The following RAD54B variants were observed in gnomAD, a reference collection of about 807,000 sequenced individuals.
RAD54B encodes the protein DNA repair and recombination protein RAD54B.
In RAD54B, 78 loss-of-function variants were observed where a neutral mutation model predicts 95.8. The ratio of observed to expected loss-of-function variants is 0.81; its 90% CI spans 0.68 to 0.98. The LOEUF is 0.98. Among genes scored for constraint, RAD54B ranks in the 50% least tolerant of loss-of-function variants. The pLI is 0.00. For missense variants in RAD54B, 957 were observed against 1,056.6 expected, an observed-to-expected ratio of 0.91 and a Z score of 1.31; for synonymous variants, 328 against 354.9, an observed-to-expected ratio of 0.92 and a Z score of 0.85.
chr8:94,373,669 A>G (rs1413116594), intron 14 of RAD54B, among the ~76,000 whole-genome samples: 1 of 152,132 alleles, frequency 6.6e-6, no homozygotes, highest in East Asian at 1.9e-4. Context: ...GTGTTAGACC[A>G]TTGTGCTTTT....
intron 3 of RAD54B, among the ~76,000 whole-genome samples, chr8:94,422,643 T>A (rs1811849032): frequency 1.9e-5 from 2 of 103,832 alleles, no homozygotes; most frequent in Non-Finnish European, 3.8e-5. Context: ...TATATATATA[T>A]ATATATATAT....
At chr8:94,449,820 G>A (rs1812613081) in intron 3 of RAD54B, among the ~76,000 whole-genome samples, 1 of 152,088 alleles carries the variant, frequency 6.6e-6, no homozygotes, top group South Asian at 2.1e-4. Context: ...ATCCAAGGCA[G>A]GAATTCAAAA....
chr8:94,385,580 A>G (rs1470294293), intron 11 of RAD54B, among the ~76,000 whole-genome samples: 1 of 152,156 alleles, frequency 6.6e-6, no homozygotes, highest in Non-Finnish European at 1.5e-5. Flanking sequence ...AGATAGGAGA[A>G]AGCATGAGAG....
chr8:94,408,541 G>T (rs768467914), intron 4 of RAD54B, among the ~76,000 whole-genome samples: 2 of 152,116 alleles, frequency 1.3e-5, no homozygotes, highest in Non-Finnish European at 2.9e-5. Flanking sequence ...TAGAAAATAT[G>T]ATGACCCTTT....
intron 2 of RAD54B, among the ~76,000 whole-genome samples, chr8:94,466,305 A>G (rs933409936): frequency 6.6e-6 from 1 of 152,168 alleles, no homozygotes; most frequent in African/African-American, 2.4e-5. Context: ...TATACTTTAT[A>G]TGCCTTTCAT....
At chr8:94,457,129 A>G (rs1041882838) in intron 3 of RAD54B, among the ~76,000 whole-genome samples, 4 of 152,230 alleles carry the variant, frequency 2.6e-5, no homozygotes, top group African/African-American at 7.2e-5. Flanking sequence ...AGAAATTAGA[A>G]AAGAACTGGG....
At chr8:94,403,054 A>T (rs1456353739) in intron 6 of RAD54B, among the ~76,000 whole-genome samples, 2 of 152,200 alleles carry the variant, frequency 1.3e-5, no homozygotes, top group South Asian at 4.1e-4. Flanking sequence ...AGTCTAGTTA[A>T]CAGTTTCTGG....
In RAD54B at chr8:94,458,141, AC is replaced by A. The variant is rs1812818704; in HGVS notation, c.304+126del. The A allele has an allele frequency of 1.6e-5, 13 of 836,606 alleles. No homozygotes were observed. The South Asian group carries it at 2.2e-4, about 14-fold the overall frequency. 51.8% of individuals were successfully genotyped at this position (836,606 alleles called of 1,614,324 possible). On this transcript the variant is annotated intron_variant, in intron 3 of 14. Transcript: ENST00000336148. Reference sequence around the variant, plus strand: ...ATTATGACAACAAAAAACCTGAACTACCAACAATGTAGTGGTATTACATCAA... The same window carrying A: ...ATTATGACAACAAAAAACCTGAACTACAACAATGTAGTGGTATTACATCAA...
intron 3 of RAD54B, among the ~76,000 whole-genome samples, chr8:94,448,502 T>C (rs1812573502): frequency 1.3e-5 from 2 of 152,082 alleles, no homozygotes; most frequent in Non-Finnish European, 2.9e-5. Context: ...ATCTCAAAAA[T>C]CTGCACTCCC....
intron 11 of RAD54B, among the ~76,000 whole-genome samples, chr8:94,381,126 T>C (rs1810728865): frequency 8.8e-6 from 1 of 113,916 alleles, no homozygotes; most frequent in South Asian, 2.7e-4. Flanking sequence ...GCCCTGTCTT[T>C]TAAAAAAAAA....
chr8:94,392,970 T>C (rs897576531), intron 9 of RAD54B, among the ~76,000 whole-genome samples: 2 of 150,832 alleles, frequency 1.3e-5, no homozygotes, highest in African/African-American at 4.9e-5. Flanking sequence ...ACTACAGGCA[T>C]GTGCCACCAT....
At chr8:94,420,498 G>T (rs965788262) in intron 3 of RAD54B, among the ~76,000 whole-genome samples, 1 of 151,592 alleles carries the variant, frequency 6.6e-6, no homozygotes, top group African/African-American at 2.4e-5. Context: ...GAGCTTAAGC[G>T]TCTGGTCTAC....
At chr8:94,412,321 T>C (rs182910029) in intron 3 of RAD54B, among the ~76,000 whole-genome samples, 12 of 152,110 alleles carry the variant, frequency 7.9e-5, no homozygotes, top group Non-Finnish European at 1.6e-4. Context: ...CTGTGAAAAA[T>C]ACTCCAAGGA....
chr8:94,470,594 TA>T (rs58169172), intron 1 of RAD54B, among the ~76,000 whole-genome samples: 279 of 129,180 alleles, frequency 2.2e-3, no homozygotes, highest in Non-Finnish European at 1.9e-3. Context: ...AAACTTCGTC[TA>T]AAAAAAAAAA....
chr8:94,470,493 G>A (rs552082120), intron 1 of RAD54B, among the ~76,000 whole-genome samples: 1 of 152,298 alleles, frequency 6.6e-6, no homozygotes, highest in Admixed American at 6.5e-5. Context: ...TATTCAGGAG[G>A]CTGAGGCAGG....
chr8:94,387,335 T>G, intron 10 of RAD54B, 176 bp from the exon 11 acceptor site: 1 of 529,430 alleles, frequency 1.9e-6, no homozygotes, highest in Non-Finnish European at 3.2e-6. Context: ...AAAAGTAACA[T>G]GCCTTCTACT....
chr8:94,452,918 T>C (rs182081809), intron 3 of RAD54B, among the ~76,000 whole-genome samples: 50 of 152,304 alleles, frequency 3.3e-4, no homozygotes, highest in Non-Finnish European at 7.4e-5. Flanking sequence ...TATGAATATA[T>C]ACTTACATAT....
At chr8:94,406,760 AC>A (rs1811398187) in intron 5 of RAD54B, among the ~76,000 whole-genome samples, 1 of 152,128 alleles carries the variant, frequency 6.6e-6, no homozygotes, top group Non-Finnish European at 1.5e-5. Flanking sequence ...CACATCTACT[AC>A]ACTATACTTT....
intron 3 of RAD54B, among the ~76,000 whole-genome samples, chr8:94,443,648 T>C (rs977945854): frequency 6.6e-6 from 1 of 152,010 alleles, no homozygotes; most frequent in Non-Finnish European, 1.5e-5. Flanking sequence ...TGAGCACTAA[T>C]TAGAGCCTCA....
Sources: gnomAD v4.1 joint callset for allele counts (sites outside exome capture counted in the v4.1 genomes callset) on GRCh38, gnomAD v4.1.1 for gene constraint, MANE v1.5 for transcripts, NCBI Gene and HGNC (gene_info 2026-07-23, HGNC 2026-07-21) for gene names.